CMSS1: variants seen among roughly 807,000 people sequenced by gnomAD.
The protein encoded by CMSS1 is protein CMSS1.
A neutral mutation model predicts 43.5 loss-of-function variants in CMSS1; 33 were observed. The observed-to-expected ratio is 0.76, with a 90% CI of 0.57 to 1.01. The LOEUF (loss-of-function observed/expected upper bound fraction) is 1.01, where lower values mean the gene tolerates loss of function less well. CMSS1 is among the 50% of genes least tolerant of loss of function. The pLI is 0.00. For missense variants in CMSS1, 313 were observed against 326.4 expected (o/e 0.96, Z 0.32); for synonymous variants, 115 against 117.2 (o/e 0.98, Z 0.12).
intron 1 of CMSS1, among the ~76,000 whole-genome samples, chr3:100,141,195 C>T (rs2066801725): frequency 6.6e-6 from 1 of 152,182 alleles, no homozygotes. Flanking sequence ...GCCTTGCCCA[C>T]TTTGTGTCAG....
intron 1 of CMSS1, among the ~76,000 whole-genome samples, chr3:99,942,090 G>A (rs771175266): frequency 6.6e-6 from 1 of 151,956 alleles, no homozygotes; most frequent in South Asian, 2.1e-4. Context: ...GGTGGTGGGC[G>A]CCTGTAGTCC....
At chr3:100,161,764 A>C (rs2067025470) in intron 3 of CMSS1, among the ~76,000 whole-genome samples, 1 of 152,192 alleles carries the variant, frequency 6.6e-6, no homozygotes. Flanking sequence ...TCTACTTTGC[A>C]TAGGGCCACT....
intron 1 of CMSS1, among the ~76,000 whole-genome samples, chr3:99,885,674 T>G (rs1380503970): frequency 2.0e-5 from 3 of 152,344 alleles, no homozygotes; most frequent in African/African-American, 7.2e-5. Flanking sequence ...TGTCTATATA[T>G]CTCTGTCATC....
intron 6 of CMSS1, among the ~76,000 whole-genome samples, chr3:100,169,483 C>G (rs984864337): frequency 1.3e-5 from 2 of 152,216 alleles, no homozygotes; most frequent in African/African-American, 4.8e-5. Flanking sequence ...AGGTGCAAAT[C>G]TAGATATTCA....
At chr3:100,017,664 C>T (rs1235809797) in intron 1 of CMSS1, among the ~76,000 whole-genome samples, 3 of 152,160 alleles carry the variant, frequency 2.0e-5, no homozygotes, top group Admixed American at 1.3e-4. Context: ...GTGGCATGCA[C>T]CTGTAGTCCC....
At chr3:100,051,063 T>G (rs1473677344) in intron 1 of CMSS1, among the ~76,000 whole-genome samples, 1 of 150,922 alleles carries the variant, frequency 6.6e-6, no homozygotes, top group Non-Finnish European at 1.5e-5. Context: ...AGTGATATTT[T>G]ATTAGTATAA....
At chr3:100,171,745 A>T in intron 6 of CMSS1, 94 bp from the exon 7 acceptor site, 1 of 981,358 alleles carries the variant, frequency 1.0e-6, no homozygotes, top group South Asian at 1.3e-5. Flanking sequence ...GTATGCACAC[A>T]TCCTTTGAAT....
At chr3:100,147,265 CTTTTTT>C (rs71132514) in intron 2 of CMSS1, among the ~76,000 whole-genome samples, 1 of 86,834 alleles carries the variant, frequency 1.2e-5, no homozygotes, top group African/African-American at 4.5e-5. Flanking sequence ...AATTCTTTTT[CTTTTTT>C]TTTTTTTTTT....
At chr3:99,976,965 C>T (rs1708991204) in intron 1 of CMSS1, among the ~76,000 whole-genome samples, 1 of 152,200 alleles carries the variant, frequency 6.6e-6, no homozygotes, top group Non-Finnish European at 1.5e-5. Context: ...TGTGTGACTG[C>T]ACCTTGCAGG....
chr3:100,167,742 TCC>T lies in CMSS1; in HGVS notation c.421_422del (p.Pro141Ter). The T allele has an allele frequency of 6.2e-7, 1 of 1,609,096 alleles. No homozygotes were observed. On this transcript the variant is annotated frameshift_variant, in exon 6 of 10. Transcript: ENST00000421999. LOFTEE classifies it high-confidence loss of function. ...SLSSYLKEICPKWVKLRKNHS... is the reference protein window; with the variant it reads ...SLSSYLKEICXKWVKLRKNHS... ...GTTTTCTGTTCTTTTTTCCAGTTTG[TCC>T]TAAGTGGGTAAAACTTAGGAAGAAC... is the stretch of plus-strand genomic sequence containing the variant.
intron 1 of CMSS1, among the ~76,000 whole-genome samples, chr3:100,008,126 T>G (rs1404904383): frequency 6.6e-6 from 1 of 152,158 alleles, no homozygotes; most frequent in Non-Finnish European, 1.5e-5. Context: ...CTGCTGCTGT[T>G]GGAGACATTC....
intron 1 of CMSS1, among the ~76,000 whole-genome samples, chr3:100,092,499 A>G (rs1008422265): frequency 6.6e-6 from 1 of 151,766 alleles, no homozygotes; most frequent in Non-Finnish European, 1.5e-5. Flanking sequence ...GTACAAATGG[A>G]AGTTAAGGTC....
chr3:99,993,285 T>A (rs1417116918), intron 1 of CMSS1, among the ~76,000 whole-genome samples: 1 of 152,128 alleles, frequency 6.6e-6, no homozygotes, highest in Non-Finnish European at 1.5e-5. Context: ...TGAGCATGGA[T>A]GTTTTTTCAT....
At chr3:100,098,539 A>G (rs982436166) in intron 1 of CMSS1, among the ~76,000 whole-genome samples, 1 of 152,332 alleles carries the variant, frequency 6.6e-6, no homozygotes, top group East Asian at 1.9e-4. Context: ...TGACTCTATA[A>G]GTTTTATTTG....
intron 1 of CMSS1, among the ~76,000 whole-genome samples, chr3:100,126,700 C>G (rs2066665220): frequency 1.3e-5 from 2 of 152,016 alleles, no homozygotes; most frequent in Non-Finnish European, 2.9e-5. Context: ...ATTGAAAACA[C>G]AAAAGAAGAA....
At chr3:99,903,686 C>T (rs997233736) in intron 1 of CMSS1, among the ~76,000 whole-genome samples, 2 of 152,072 alleles carry the variant, frequency 1.3e-5, no homozygotes, top group Non-Finnish European at 2.9e-5. Context: ...AAGCTTGCAT[C>T]TTAACAGGAC....
In CMSS1 at chr3:99,965,377, G is replaced by A. The variant is rs148435031; in HGVS notation, c.64+147334G>A. Among the ~76,000 whole-genome samples, 1,105 of 152,294 alleles carry A rather than the reference G, an allele frequency of 7.3e-3. 19 individuals carry two copies. The highest frequency in any genetic ancestry group is 0.024 in the African/African-American group (1,018 of 41,566). ...CACATTTCTCTCTGTTGCCCAGTCA[G>A]GTGCTATGGCATGTGCTGCTTCTGG... On this transcript the variant is annotated intron_variant, in intron 1 of 9. Transcript: ENST00000421999.
intron 1 of CMSS1, among the ~76,000 whole-genome samples, chr3:100,142,865 A>G (rs1012972129): frequency 1.3e-5 from 2 of 152,206 alleles, no homozygotes; most frequent in Non-Finnish European, 2.9e-5. Context: ...TTTTACTTTT[A>G]GTCAACACTG....
chr3:99,893,128 A>G (rs918355638), intron 1 of CMSS1, among the ~76,000 whole-genome samples: 6 of 139,706 alleles, frequency 4.3e-5, no homozygotes, highest in Admixed American at 7.1e-5. Context: ...GCTTTCAGGT[A>G]TCTCTATTTC....
Sources: gnomAD v4.1 joint callset for allele counts (sites outside exome capture counted in the v4.1 genomes callset) on GRCh38, gnomAD v4.1.1 for gene constraint, MANE v1.5 for transcripts, NCBI Gene and HGNC (gene_info 2026-07-23, HGNC 2026-07-21) for gene names.